CAMK1D: variants seen among roughly 807,000 people sequenced by gnomAD.
CAMK1D encodes the protein calcium/calmodulin-dependent protein kinase type 1D.
A neutral mutation model predicts 47.7 loss-of-function variants in CAMK1D; 9 were observed. The observed-to-expected ratio is 0.19, with a 90% CI of 0.11 to 0.33. The LOEUF (loss-of-function observed/expected upper bound fraction) is 0.33, where lower values mean the gene tolerates loss of function less well. Ranked by LOEUF, CAMK1D falls within the 10% of genes least tolerant of loss-of-function variation. The pLI, the probability that CAMK1D is intolerant of heterozygous loss-of-function variation, is 1.00. For missense variants in CAMK1D, 291 were observed against 488.7 expected (o/e 0.60, Z 3.81); for synonymous variants, 184 against 184.9 (o/e 0.99, Z 0.04).
intron 2 of CAMK1D, chr10:12,653,328 G>A (rs1448306089): frequency 6.6e-6 from 1 of 152,556 alleles, no homozygotes; most frequent in Non-Finnish European, 1.5e-5. Flanking sequence ...TGTGAGTTTT[G>A]GAGGAAACAA....
chr10:12,408,848 CTTTTTT>C (rs113921067), intron 1 of CAMK1D, among the ~76,000 whole-genome samples: 1 of 121,872 alleles, frequency 8.2e-6, no homozygotes, highest in African/African-American at 3.1e-5. Context: ...TTCTTTCTTT[CTTTTTT>C]TTTTTTTTTT....
intron 1 of CAMK1D, among the ~76,000 whole-genome samples, chr10:12,451,096 A>G (rs969504879): frequency 6.6e-6 from 1 of 152,202 alleles, no homozygotes; most frequent in African/African-American, 2.4e-5. Flanking sequence ...ATTGAGAAGT[A>G]GGGCTGAGGG....
At chr10:12,439,657 C>A (rs1295708147) in intron 1 of CAMK1D, among the ~76,000 whole-genome samples, 1 of 152,188 alleles carries the variant, frequency 6.6e-6, no homozygotes, top group African/African-American at 2.4e-5. Context: ...CGAGGACTTA[C>A]TTGTTTGTTC....
At chr10:12,786,520 C>T (rs1340883092) in intron 5 of CAMK1D, among the ~76,000 whole-genome samples, 1 of 152,120 alleles carries the variant, frequency 6.6e-6, no homozygotes, top group African/African-American at 2.4e-5. Flanking sequence ...TAGTGTTATC[C>T]AAAGCAGAAA....
intron 6 of CAMK1D, among the ~76,000 whole-genome samples, chr10:12,800,794 C>G (rs1838392630): frequency 6.6e-6 from 1 of 152,144 alleles, no homozygotes; most frequent in Non-Finnish European, 1.5e-5. Context: ...ACACAAAGAT[C>G]AAACTTCTAA....
intron 2 of CAMK1D, among the ~76,000 whole-genome samples, chr10:12,624,266 AATAG>A (rs2132449093): frequency 6.6e-6 from 1 of 152,024 alleles, no homozygotes; most frequent in South Asian, 2.1e-4. Flanking sequence ...AAGAACCTGT[AATAG>A]ATCTACCCTA....
intron 3 of CAMK1D, among the ~76,000 whole-genome samples, chr10:12,676,924 A>C (rs1199780279): frequency 6.6e-6 from 1 of 152,234 alleles, no homozygotes; most frequent in East Asian, 1.9e-4. Context: ...TCCATTTACT[A>C]CAATCATTAT....
chr10:12,566,731 T>C (rs1441493944), intron 2 of CAMK1D, among the ~76,000 whole-genome samples: 4 of 152,332 alleles, frequency 2.6e-5, no homozygotes, highest in African/African-American at 9.6e-5. Context: ...TTCAGGAGAA[T>C]GCGGGAAAGT....
chr10:12,827,852 C>A (rs80218770), intron 10 of CAMK1D, among the ~76,000 whole-genome samples: 1 of 152,122 alleles, frequency 6.6e-6, no homozygotes, highest in East Asian at 1.9e-4. Flanking sequence ...CCGTGCGCAG[C>A]TAATTTTTGT....
chr10:12,555,180 C>T (rs1440755445), intron 2 of CAMK1D, among the ~76,000 whole-genome samples: 2 of 152,182 alleles, frequency 1.3e-5, no homozygotes, highest in Admixed American at 1.3e-4. Flanking sequence ...AAATGTCACG[C>T]TCCTCACATT....
intron 2 of CAMK1D, among the ~76,000 whole-genome samples, chr10:12,665,391 G>A (rs530100529): frequency 3.3e-5 from 5 of 152,304 alleles, no homozygotes; most frequent in African/African-American, 9.6e-5. Flanking sequence ...AATGGTTTCC[G>A]TTTTTCCTAA....
At chr10:12,704,444 C>T (rs1473164164) in intron 3 of CAMK1D, among the ~76,000 whole-genome samples, 2 of 152,128 alleles carry the variant, frequency 1.3e-5, no homozygotes, top group Non-Finnish European at 2.9e-5. Context: ...TCTGCTATAG[C>T]TGGCCCTCCC....
chr10:12,655,345 C>T (rs1015720617), intron 2 of CAMK1D, among the ~76,000 whole-genome samples: 1 of 152,154 alleles, frequency 6.6e-6, no homozygotes, highest in Non-Finnish European at 1.5e-5. Flanking sequence ...GACTTGAACA[C>T]TGCCCTCTAG....
intron 2 of CAMK1D, among the ~76,000 whole-genome samples, chr10:12,608,925 G>A (rs896318558): frequency 8.5e-5 from 13 of 152,350 alleles, no homozygotes; most frequent in Non-Finnish European, 1.8e-4. Context: ...TGGTGCAGGA[G>A]TAAATAGAAT....
At chr10:12,556,060 T>TGG (rs1233257120) in intron 2 of CAMK1D, among the ~76,000 whole-genome samples, 2 of 152,160 alleles carry the variant, frequency 1.3e-5, no homozygotes, top group Non-Finnish European at 2.9e-5. Flanking sequence ...CCTGGAAGCG[T>TGG]GACCCCTCTT....
At position 12,834,266 on chromosome 10, in the gene CAMK1D, C is replaced by G. The variant is rs1404364702; in HGVS notation, c.*5379C>G. The G allele has an allele frequency of 6.6e-6, 1 of 152,430 alleles. No individual in the cohort carries two copies. Among genetic ancestry groups the G allele is most frequent in the East Asian group, 1.9e-4 (1 of 5,202 alleles). 9.4% of individuals were successfully genotyped at this position (152,430 alleles called of 1,614,324 possible). On this transcript the variant is annotated 3_prime_UTR_variant, in exon 11 of 11. Coordinates refer to ENST00000619168, the MANE Select transcript of CAMK1D (RefSeq NM_153498.4). ...GCATCATGGTCTGCAGCTCTGGGCC[C>G]CCAGCCCCACTGTGAAGTCAGTCCT...
At chr10:12,551,983 G>A (rs1836598153) in intron 1 of CAMK1D, among the ~76,000 whole-genome samples, 1 of 152,200 alleles carries the variant, frequency 6.6e-6, no homozygotes, top group African/African-American at 2.4e-5. Flanking sequence ...GAAAGTCTTG[G>A]CACAGAGAAC....
At chr10:12,507,232 C>T (rs2132155420) in intron 1 of CAMK1D, among the ~76,000 whole-genome samples, 1 of 152,318 alleles carries the variant, frequency 6.6e-6, no homozygotes, top group Admixed American at 6.5e-5. Context: ...CAAGCTAATA[C>T]ACGGAGTGGA....
At chr10:12,607,374 C>G (rs191980095) in intron 2 of CAMK1D, among the ~76,000 whole-genome samples, 42 of 152,272 alleles carry the variant, frequency 2.8e-4, no homozygotes, top group Non-Finnish European at 1.5e-4. Context: ...CTGAAAGCAT[C>G]GCTGTAAAGG....
Sources: allele counts gnomAD v4.1 joint callset (sites outside exome capture counted in the v4.1 genomes callset), GRCh38; gene constraint gnomAD v4.1.1; transcripts MANE v1.5; gene names NCBI Gene and HGNC (gene_info 2026-07-23, HGNC 2026-07-21).